RB1CC1: variants seen among roughly 807,000 people sequenced by gnomAD.
RB1CC1 encodes RB1-inducible coiled-coil protein 1.
In RB1CC1, 46 loss-of-function variants were observed where a neutral mutation model predicts 177.5. The ratio of observed to expected loss-of-function variants is 0.26; its 90% CI spans 0.20 to 0.33. The LOEUF is 0.33. Among genes scored for constraint, RB1CC1 ranks in the 10% least tolerant of loss-of-function variants. RB1CC1 has a pLI of 1.00. For missense variants in RB1CC1, 1,703 were observed against 1,816.3 expected (o/e 0.94, Z 1.13); for synonymous variants, 666 against 613.6 (o/e 1.09, Z -1.26).
In RB1CC1 at chr8:52,661,635, A is replaced by G; in HGVS notation, c.1258T>C (p.Leu420=). 1 of 1,612,936 alleles carries G rather than the reference A, an allele frequency of 6.2e-7. No homozygotes were observed. The highest frequency in any genetic ancestry group is 8.5e-7 in the Non-Finnish European group (1 of 1,179,474). The change falls in exon 9 of 24, where the codon TTG becomes CTG. Residue 420 remains leucine (L), a synonymous_variant. Transcript: ENST00000025008. The part of the protein sequence containing the change: ...PDLCLSHANQ[L]MIMLQNHRKL... ...CTATGATTTTGCAACATAATCATCA[A>G]CTGATTTGCGTGACTCAGGCATAAA...
At chr8:52,686,584 CATA>C (rs1246569925) in intron 2 of RB1CC1, among the ~76,000 whole-genome samples, 1 of 151,936 alleles carries the variant, frequency 6.6e-6, no homozygotes, top group Admixed American at 6.6e-5. Flanking sequence ...AAAATAATGA[CATA>C]AAAAGGGGAC....
chr8:52,693,099 C>T (rs1855054034), intron 1 of RB1CC1, among the ~76,000 whole-genome samples: 1 of 152,156 alleles, frequency 6.6e-6, no homozygotes, highest in African/African-American at 2.4e-5. Context: ...GAATCCCTTC[C>T]TTACACCACA....
intron 1 of RB1CC1, among the ~76,000 whole-genome samples, chr8:52,703,082 T>C (rs1157367962): frequency 6.6e-6 from 1 of 152,042 alleles, no homozygotes; most frequent in African/African-American, 2.4e-5. Context: ...TTCAGCAGTT[T>C]CTTTATCAGC....
rs1851064525 is a variant in RB1CC1, at chr8:52,656,164, C to T, written c.3665G>A (p.Ser1222Asn). Residue 1222 changes from serine (S) to asparagine (N), a missense_variant, in exon 15 of 24, where the codon AGC (serine) becomes AAC (asparagine). Transcript: ENST00000025008. ...TAACTGTTCTCTGTCTTGCTCCTGG[C>T]TGCTGACCAATTTTTGTCTGTCTTT... ...LEKDRQKLVS[S>N]QEQDREQLIQ... The T allele has an allele frequency of 1.2e-6, 2 of 1,613,692 alleles. No individual in the cohort carries two copies. The highest frequency in any genetic ancestry group is 2.2e-5 in the South Asian group (2 of 91,066).
chr8:52,676,657 G>A, intron 5 of RB1CC1, 86 bp from the exon 6 acceptor site: 1 of 1,179,916 alleles, frequency 8.5e-7, no homozygotes, highest in South Asian at 1.3e-5. Flanking sequence ...ACATGTACGT[G>A]TGGATGCGTT....
At chr8:52,712,188 A>G (rs192101976) in intron 1 of RB1CC1, among the ~76,000 whole-genome samples, 3 of 152,354 alleles carry the variant, frequency 2.0e-5, no homozygotes, top group African/African-American at 7.2e-5. Context: ...CTACAAAAGA[A>G]AAGTGTAACT....
chr8:52,632,081 A>G (rs1848805856), intron 20 of RB1CC1, among the ~76,000 whole-genome samples: 1 of 152,218 alleles, frequency 6.6e-6, no homozygotes, highest in Non-Finnish European at 1.5e-5. Flanking sequence ...AGCACAATCA[A>G]ATGGTACTTG....
chr8:52,624,805 T>G lies in RB1CC1; in HGVS notation c.4637-18A>C, dbSNP rs775284451. ...ACCTGAAGCTAATGAAATTAAATAG[T>G]TAATCTCTTTTTGAAAGTATGATTA... On this transcript the variant is annotated intron_variant, in intron 22 of 23. Transcript: ENST00000025008. 3 of 1,453,600 alleles carry G rather than the reference T, an allele frequency of 2.1e-6. No individual in the cohort carries two copies. The highest frequency in any genetic ancestry group is 2.8e-6 in the Non-Finnish European group (3 of 1,076,076). The allele number at this position is 1,453,600 out of a possible 1,614,324, so 90.0% of individuals were successfully genotyped here. A position where few individuals can be genotyped will look rare whatever the true frequency, so the allele number is the denominator to read the frequency against.
At chr8:52,688,820 C>T (rs149932563) in intron 1 of RB1CC1, among the ~76,000 whole-genome samples, 112 of 152,266 alleles carry the variant, frequency 7.4e-4, no homozygotes, top group African/African-American at 2.5e-3. Context: ...ATGTCGCCCC[C>T]GGCGGCCCAG....
rs910709969 is a variant in RB1CC1, at chr8:52,688,424, T to G, written c.-166-1457A>C. On this transcript the variant is annotated intron_variant, in intron 1 of 23. Coordinates refer to ENST00000025008, the MANE Select transcript of RB1CC1 (RefSeq NM_014781.5). ...TCTGGGAACGCCTGTCTTATGCGGT[T>G]GAGATAAGGACTGAGATACACCCTG... is the stretch of plus-strand genomic sequence containing the variant. 7.2e-4 allele frequency among the ~76,000 whole-genome samples: 109 copies of G among 152,292 alleles called. 1 individual carries two copies. Among genetic ancestry groups the G allele is most frequent in the African/African-American group, 2.6e-3 (107 of 41,564 alleles).
At chr8:52,672,826 T>C (rs890285405) in intron 7 of RB1CC1, among the ~76,000 whole-genome samples, 2 of 152,240 alleles carry the variant, frequency 1.3e-5, no homozygotes, top group African/African-American at 4.8e-5. Flanking sequence ...AATGGAATTT[T>C]CAGGCCACTA....
intron 23 of RB1CC1, 34 bp from the exon 24 acceptor site, chr8:52,623,893 T>A: frequency 2.2e-6 from 3 of 1,381,686 alleles, no homozygotes; most frequent in Non-Finnish European, 3.1e-6. Flanking sequence ...ATCACTAGAG[T>A]GATTAAACCA....
At chr8:52,633,419 T>C (rs1056549984) in intron 20 of RB1CC1, among the ~76,000 whole-genome samples, 1 of 152,182 alleles carries the variant, frequency 6.6e-6, no homozygotes, top group African/African-American at 2.4e-5. Flanking sequence ...AAATAAAGCA[T>C]ACTACATAAA....
intron 20 of RB1CC1, among the ~76,000 whole-genome samples, chr8:52,632,600 A>G (rs982491075): frequency 6.6e-6 from 1 of 152,196 alleles, no homozygotes; most frequent in East Asian, 1.9e-4. Context: ...CTGTAATTCT[A>G]TGTGAAAGTG....
chr8:52,637,021 A>G (rs897250529), intron 18 of RB1CC1, among the ~76,000 whole-genome samples: 4 of 149,948 alleles, frequency 2.7e-5, no homozygotes, highest in Non-Finnish European at 4.5e-5. Flanking sequence ...ACAGTGTGAG[A>G]CTTTGTTATT....
At chr8:52,704,576 ATTTCT>A (rs1467418755) in intron 1 of RB1CC1, among the ~76,000 whole-genome samples, 1 of 152,070 alleles carries the variant, frequency 6.6e-6, no homozygotes, top group Admixed American at 6.5e-5. Flanking sequence ...TAAACCAATG[ATTTCT>A]TTTAAGAAAA....
At chr8:52,641,723 T>C (rs1849603993) in intron 18 of RB1CC1, among the ~76,000 whole-genome samples, 1 of 152,142 alleles carries the variant, frequency 6.6e-6, no homozygotes, top group Non-Finnish European at 1.5e-5. Flanking sequence ...GGAATCTCAG[T>C]TCCCATATCT....
At chr8:52,694,023 A>T (rs763595706) in intron 1 of RB1CC1, among the ~76,000 whole-genome samples, 6 of 152,210 alleles carry the variant, frequency 3.9e-5, no homozygotes, top group Non-Finnish European at 8.8e-5. Flanking sequence ...GGAATTCTCT[A>T]GAAATGTGCA....
At chr8:52,627,140 A>G (rs916375574) in intron 22 of RB1CC1, among the ~76,000 whole-genome samples, 2 of 152,210 alleles carry the variant, frequency 1.3e-5, no homozygotes, top group East Asian at 1.9e-4. Context: ...CAAGGTCAGG[A>G]GTTTTGAGAC....
Sources: allele counts gnomAD v4.1 joint callset (sites outside exome capture counted in the v4.1 genomes callset), GRCh38; gene constraint gnomAD v4.1.1; transcripts MANE v1.5; gene names NCBI Gene and HGNC (gene_info 2026-07-23, HGNC 2026-07-21).